The following MYO9A variants were observed in gnomAD, a reference collection of about 807,000 sequenced individuals.
The protein encoded by MYO9A is unconventional myosin-IXa.
MYO9A carries 103 observed loss-of-function variants against 293.3 expected under a neutral mutation model. The ratio of observed to expected loss-of-function variants is 0.35; its 90% CI spans 0.30 to 0.41. The LOEUF (loss-of-function observed/expected upper bound fraction) is 0.41, where lower values mean the gene tolerates loss of function less well. Among genes scored for constraint, MYO9A ranks in the 10% least tolerant of loss-of-function variants. MYO9A has a pLI of 1.00. For synonymous variants in MYO9A, 1,001 were observed against 1,035.7 expected (o/e 0.97, Z 0.64); for missense variants, 2,685 against 3,033.0 (o/e 0.89, Z 2.69).
chr15:72,036,283 G>A (rs1472899845), intron 2 of MYO9A, among the ~76,000 whole-genome samples: 2 of 152,078 alleles, frequency 1.3e-5, no homozygotes, highest in Non-Finnish European at 2.9e-5. Context: ...AGATCATTGA[G>A]AGTGAGATTA....
At chr15:71,878,306 A>G (rs2056757096) in intron 30 of MYO9A, 75 bp from the exon 31 acceptor site, 1 of 1,014,298 alleles carries the variant, frequency 9.9e-7, no homozygotes, top group Admixed American at 3.2e-5. Flanking sequence ...TTACACTTGT[A>G]ATGGGGTAGT....
chr15:71,971,996 G>A (rs1002673496), intron 12 of MYO9A, among the ~76,000 whole-genome samples: 10 of 151,806 alleles, frequency 6.6e-5, no homozygotes, highest in African/African-American at 1.2e-4. Context: ...TATGATTGCC[G>A]GTTAAAAGAC....
At chr15:71,847,434 A>G (rs1254546051) in intron 39 of MYO9A, 1 of 455,664 alleles carries the variant, frequency 2.2e-6, no homozygotes, top group East Asian at 7.0e-5. Flanking sequence ...ATTGCGGGTA[A>G]TGTTCATGAA....
chr15:71,850,073 G>T lies in MYO9A; in HGVS notation c.6676C>A (p.Pro2226Thr), dbSNP rs1301780443. The change falls in exon 38 of 42, where the codon CCA becomes ACA. Residue 2226 changes from proline (P) to threonine (T), a missense_variant. By Grantham distance (38) the Pro-to-Thr change is conservative. Transcript: ENST00000356056. ...CILRCPDTTD[P>T]LQSVQDISKT... Reference sequence around the variant, plus strand: ...CTGATGTCCTGTACACTTTGTAGTGGGTCAGTGGTGTCAGGGCAGCGGAGA... The same window carrying T: ...CTGATGTCCTGTACACTTTGTAGTGTGTCAGTGGTGTCAGGGCAGCGGAGA... The T allele has an allele frequency of 6.2e-7, 1 of 1,613,924 alleles. No individual in the cohort carries two copies. The highest frequency in any genetic ancestry group is 2.2e-5 in the East Asian group (1 of 44,888).
intron 14 of MYO9A, chr15:71,959,242 T>A (rs1425808622): frequency 6.6e-6 from 1 of 152,234 alleles, no homozygotes; most frequent in Non-Finnish European, 1.5e-5. Context: ...CATGTATTTT[T>A]AGAAATACAC....
At chr15:72,034,985 G>A (rs1231766430) in intron 2 of MYO9A, among the ~76,000 whole-genome samples, 2 of 152,112 alleles carry the variant, frequency 1.3e-5, no homozygotes, top group Non-Finnish European at 2.9e-5. Context: ...AAGTTATATG[G>A]GTGGCAAATA....
chr15:71,944,130 A>G (rs536136164), intron 15 of MYO9A, among the ~76,000 whole-genome samples: 87 of 152,196 alleles, frequency 5.7e-4, no homozygotes, highest in Admixed American at 2.6e-3. Flanking sequence ...TTTCATGAGA[A>G]CACAGATAAA....
chr15:71,981,120 A>G (rs554138384), intron 11 of MYO9A, among the ~76,000 whole-genome samples: 2 of 152,308 alleles, frequency 1.3e-5, no homozygotes, highest in Admixed American at 1.3e-4. Context: ...TGTAAAGCAC[A>G]TGCTGAAAAA....
intron 1 of MYO9A, among the ~76,000 whole-genome samples, chr15:72,086,576 C>G (rs560212683): frequency 1.3e-5 from 2 of 150,302 alleles, no homozygotes; most frequent in South Asian, 2.1e-4. Flanking sequence ...CACGTGCACA[C>G]GTGCTGGCGA....
chr15:71,923,437 A>G (rs983136990), intron 18 of MYO9A, among the ~76,000 whole-genome samples: 1 of 152,318 alleles, frequency 6.6e-6, no homozygotes, highest in South Asian at 2.1e-4. Flanking sequence ...AAAAGGACTG[A>G]GACTCATTCT....
chr15:72,064,539 G>A (rs181060211), intron 1 of MYO9A, among the ~76,000 whole-genome samples: 220 of 152,232 alleles, frequency 1.4e-3, no homozygotes, highest in African/African-American at 4.6e-3. Context: ...TGGAGTTAAC[G>A]GAAACGTTAC....
intron 19 of MYO9A, 23 bp downstream of exon 19, chr15:71,916,346 GT>G (rs777526107): frequency 1.2e-6 from 2 of 1,603,340 alleles, no homozygotes; most frequent in Admixed American, 3.5e-5. Flanking sequence ...ATTCTTATTT[GT>G]TTTAAGCGAA....
rs573872971 is a variant in MYO9A at position 71,842,969 on chromosome 15, T to C, written c.6837+5876A>G. Among the ~76,000 whole-genome samples the C allele has an allele frequency of 1.2e-4, 18 of 152,060 alleles. No individual in the cohort carries two copies. In the South Asian group the frequency reaches 3.7e-3, roughly 32 times the overall value. ...TGGTGAGGATCAATGTTAGACTCTT[T>C]TAGTTAAAAAAAAGACCTTTTCCCC... On this transcript the variant is annotated intron_variant, in intron 39 of 41. Transcript: ENST00000356056.
chr15:72,117,835 C>A lies in MYO9A; in HGVS notation c.-227G>T, dbSNP rs1184903938. 1 of 398,678 alleles carries A rather than the reference C, an allele frequency of 2.5e-6. No individual in the cohort carries two copies. Among genetic ancestry groups the A allele is most frequent in the East Asian group, 3.6e-5 (1 of 28,062 alleles). 24.7% of individuals were successfully genotyped at this position (398,678 alleles called of 1,614,324 possible). On this transcript the variant is annotated 5_prime_UTR_variant, in exon 1 of 42. Transcript: ENST00000356056. The stretch of plus-strand genomic sequence containing the variant: ...AGGGTGGGCCCAGCAGCCTCAGGGT[C>A]CGGGCGAGCGGCCGCGGCGCATCCC...
At chr15:71,967,227 T>C (rs922264365) in intron 13 of MYO9A, among the ~76,000 whole-genome samples, 4 of 152,320 alleles carry the variant, frequency 2.6e-5, no homozygotes, top group East Asian at 1.9e-4. Flanking sequence ...CACACACATA[T>C]ATATATGCAC....
intron 11 of MYO9A, among the ~76,000 whole-genome samples, chr15:71,986,277 G>A (rs2076405443): frequency 6.6e-6 from 1 of 152,116 alleles, no homozygotes; most frequent in African/African-American, 2.4e-5. Context: ...TTTACATAAG[G>A]GACTTGAGCA....
intron 14 of MYO9A, 23 bp from the exon 15 acceptor site, chr15:71,951,919 AC>A (rs768897441): frequency 6.4e-6 from 10 of 1,564,696 alleles, no homozygotes; most frequent in Non-Finnish European, 8.6e-6. Context: ...AAAAAAACAA[AC>A]AAAAAAAAAA....
rs899581548 is a variant in MYO9A, at chr15:72,100,814, G to A, written c.-72+16866C>T. Among the ~76,000 whole-genome samples the A allele has an allele frequency of 8.3e-4, 123 of 148,130 alleles. 2 individuals carry two copies. In the East Asian group the frequency reaches 0.021, roughly 25 times the overall value. On this transcript the variant is annotated intron_variant, in intron 1 of 41. Transcript: ENST00000356056. Reference sequence around the variant, plus strand: ...AGCCTCTCCGCCCGGCAGCCACCCCGTCTGGGAAGTGAGGAGCGTCTCCGC... The same window carrying A: ...AGCCTCTCCGCCCGGCAGCCACCCCATCTGGGAAGTGAGGAGCGTCTCCGC...
chr15:72,016,280 TAA>T (rs539417832), intron 6 of MYO9A, among the ~76,000 whole-genome samples: 2 of 147,664 alleles, frequency 1.4e-5, no homozygotes, highest in South Asian at 4.3e-4. Context: ...TGCCAAAGCT[TAA>T]AAAAAAAAAT....
Sources: allele counts gnomAD v4.1 joint callset (sites outside exome capture counted in the v4.1 genomes callset), GRCh38; gene constraint gnomAD v4.1.1; transcripts MANE v1.5; gene names NCBI Gene and HGNC (gene_info 2026-07-23, HGNC 2026-07-21).